NID1: variants seen among roughly 807,000 people sequenced by gnomAD.
NID1 encodes the protein nidogen 1.
NID1 carries 76 observed loss-of-function variants against 130.6 expected under a neutral mutation model. The ratio of observed to expected loss-of-function variants is 0.58; its 90% confidence interval spans 0.48 to 0.70. The LOEUF (loss-of-function observed/expected upper bound fraction) is 0.70, where lower values mean the gene tolerates loss of function less well. Ranked by LOEUF, NID1 falls within the 30% of genes least tolerant of loss-of-function variation. The probability of loss-of-function intolerance (pLI) is 0.00; values close to 1 mark genes in which losing one functional copy is unlikely to be tolerated. For synonymous variants in NID1, 665 were observed against 675.1 expected (o/e 0.98, Z 0.23); for missense variants, 1,517 against 1,664.8 (o/e 0.91, Z 1.54).
intron 14 of NID1, among the ~76,000 whole-genome samples, chr1:235,989,174 A>G (rs1461326929): frequency 6.8e-6 from 1 of 147,414 alleles, no homozygotes; most frequent in African/African-American, 2.5e-5. Flanking sequence ...CTTGTGCCTC[A>G]GGCTCCCAAG....
chr1:236,013,595 A>C, intron 10 of NID1, 35 bp from the exon 11 acceptor site: 1 of 1,613,750 alleles, frequency 6.2e-7, no homozygotes, highest in Non-Finnish European at 8.5e-7. Context: ...AGTCTTAGGA[A>C]GAAAGTCCCC....
At chr1:235,992,458 C>T (rs992304502) in intron 13 of NID1, among the ~76,000 whole-genome samples, 1 of 152,234 alleles carries the variant, frequency 6.6e-6, no homozygotes, top group African/African-American at 2.4e-5. Flanking sequence ...GCTCCAAACC[C>T]ATCCCAGGCT....
intron 5 of NID1, among the ~76,000 whole-genome samples, chr1:236,037,828 C>T (rs770539808): frequency 7.9e-5 from 12 of 152,270 alleles, no homozygotes; most frequent in East Asian, 1.9e-4. Flanking sequence ...CCACACACCA[C>T]GCAGTTGTGA....
chr1:235,980,694 A>T (rs777609476), intron 16 of NID1, 41 bp from the exon 17 acceptor site: 54 of 1,598,470 alleles, frequency 3.4e-5, no homozygotes, highest in Non-Finnish European at 8.6e-7. Context: ...AAGAAATAAT[A>T]AGGATGCATG....
chr1:236,000,000 G>T (rs1195707214), intron 12 of NID1, among the ~76,000 whole-genome samples: 1 of 152,054 alleles, frequency 6.6e-6, no homozygotes. Context: ...GATCACTTGA[G>T]GTCAGGAGTT....
At chr1:236,005,708 A>T (rs748459041) in intron 12 of NID1, among the ~76,000 whole-genome samples, 2 of 152,236 alleles carry the variant, frequency 1.3e-5, no homozygotes, top group Non-Finnish European at 2.9e-5. Context: ...ATGAAGACAC[A>T]TCAGAAAGGA....
chr1:236,052,045 C>A (rs1053686726), intron 1 of NID1, among the ~76,000 whole-genome samples: 1 of 152,124 alleles, frequency 6.6e-6, no homozygotes, highest in Non-Finnish European at 1.5e-5. Context: ...ACATTCAGCT[C>A]GATCGTCTGT....
chr1:236,021,690 A>G (rs1658769892), intron 9 of NID1, among the ~76,000 whole-genome samples: 2 of 152,130 alleles, frequency 1.3e-5, no homozygotes, highest in African/African-American at 4.8e-5. Context: ...TGAACACACT[A>G]TTCATCCCAC....
chr1:236,041,954 T>C lies in NID1; in HGVS notation c.1091A>G (p.His364Arg), dbSNP rs1259977694. The stretch of plus-strand genomic sequence containing the variant: ...TTCATCCACATCTATGACCTGAGGG[T>C]GCTGCTGGTGAAAAGTCTCCACTGC... Reference protein sequence around the residue: ...QLAVETFHQQHPQVIDVDEVE... With the variant: ...QLAVETFHQQRPQVIDVDEVE... The change falls in exon 4 of 20, where the codon CAC becomes CGC. Residue 364 changes from histidine to arginine, a missense_variant. His to Arg is a conservative substitution (Grantham distance 29). Around this residue, in one of 3 missense-constraint regions of NID1, gnomAD observed 1,329 missense variants for 1,429.2 expected, o/e 0.93. Coordinates refer to ENST00000264187, the MANE Select transcript of NID1 (RefSeq NM_002508.3). 6.2e-7 allele frequency: 1 copy of C among 1,613,928 alleles called. No individual in the cohort carries two copies. The highest frequency in any genetic ancestry group is 8.5e-7 in the Non-Finnish European group (1 of 1,179,932).
chr1:236,039,963 A>G (rs568006575), intron 4 of NID1, among the ~76,000 whole-genome samples: 1 of 152,186 alleles, frequency 6.6e-6, no homozygotes, highest in Non-Finnish European at 1.5e-5. Flanking sequence ...TCTCTTCAAC[A>G]TAGGGAAATA....
chr1:235,995,187 A>G (rs1187693203), intron 12 of NID1, among the ~76,000 whole-genome samples: 1 of 152,236 alleles, frequency 6.6e-6, no homozygotes. Context: ...ACTGAACATG[A>G]ACAGATTTCT....
chr1:236,044,959 G>A (rs780035605), intron 3 of NID1, among the ~76,000 whole-genome samples: 2 of 152,172 alleles, frequency 1.3e-5, no homozygotes, highest in Non-Finnish European at 1.5e-5. Context: ...AGCACTTTGG[G>A]AGGCTGAGGT....
intron 9 of NID1, among the ~76,000 whole-genome samples, chr1:236,018,115 A>G (rs540341285): frequency 6.6e-6 from 1 of 152,326 alleles, no homozygotes; most frequent in South Asian, 2.1e-4. Flanking sequence ...AAATGAACAA[A>G]GAGAGTGATG....
In NID1 at chr1:236,064,930, A is replaced by T. The variant is rs1178342774; in HGVS notation, c.150T>A (p.Asp50Glu). 1.9e-6 allele frequency: 3 copies of T among 1,610,984 alleles called. No individual in the cohort carries two copies. ...GQGDLELEDGDDFVSPALELS... is the reference protein window; with the variant it reads ...GQGDLELEDGEDFVSPALELS... The stretch of plus-strand genomic sequence containing the variant: ...GCTCCAGGGCAGGAGAGACGAAGTC[A>T]TCCCCGTCCTCCAGCTCCAGGTCCC... Residue 50 changes from aspartate to glutamate, a missense_variant, in exon 1 of 20, where the codon GAT becomes GAA. By Grantham distance (45) the Asp-to-Glu change is conservative (BLOSUM62 2). Around this residue, in one of 3 missense-constraint regions of NID1, gnomAD observed 1,329 missense variants for 1,429.2 expected, o/e 0.93. Coordinates refer to ENST00000264187, the MANE Select transcript of NID1 (RefSeq NM_002508.3).
chr1:236,014,939 C>A (rs1373592752), intron 10 of NID1, among the ~76,000 whole-genome samples: 1 of 152,206 alleles, frequency 6.6e-6, no homozygotes, highest in Non-Finnish European at 1.5e-5. Context: ...AAAGTTGGTT[C>A]CCAGTGGAAA....
intron 1 of NID1, among the ~76,000 whole-genome samples, chr1:236,055,686 A>G (rs929539502): frequency 6.6e-6 from 1 of 152,064 alleles, no homozygotes; most frequent in Non-Finnish European, 1.5e-5. Context: ...AAAACATACA[A>G]CAAACCTGAT....
rs1244672667 is a variant in NID1, at chr1:235,979,030, T to C, written c.3587A>G (p.Tyr1196Cys). Residue 1196 changes from tyrosine to cysteine, a missense_variant, in exon 19 of 20, where the codon TAT becomes TGT. Around this residue, in one of 3 missense-constraint regions of NID1, gnomAD observed 181 missense variants for 211.3 expected, o/e 0.86. Coordinates refer to ENST00000264187, the MANE Select transcript of NID1 (RefSeq NM_002508.3). The surrounding 1 kb of genome is among the most constrained non-coding windows in gnomAD (Gnocchi z 4.6). ...CTGAGACAGGGCCGTGGTGATGCCA[T>C]ACAGCCGGGTCTGCTTGTGGGGTTG... ...AFQPHKQTRLYGITTALSQCP... is the reference protein window; with the variant it reads ...AFQPHKQTRLCGITTALSQCP... The C allele has an allele frequency of 1.2e-6, 2 of 1,613,980 alleles. No homozygotes were observed. Among genetic ancestry groups the C allele is most frequent in the Non-Finnish European group, 1.7e-6 (2 of 1,179,954 alleles).
chr1:236,014,642 C>A lies in NID1; in HGVS notation c.2255-1082G>T, dbSNP rs188308654. On this transcript the variant is annotated intron_variant, in intron 10 of 19. Transcript: ENST00000264187. ...ATCACAGTCCCATCTACTGGCCTCTCTGTGCTTGGCATACTGGAAGTTAAC... is the reference window on the plus strand; with the variant it reads ...ATCACAGTCCCATCTACTGGCCTCTATGTGCTTGGCATACTGGAAGTTAAC... Among the ~76,000 whole-genome samples, 25 of 152,274 alleles carry A rather than the reference C, an allele frequency of 1.6e-4. No homozygotes were observed. In the East Asian group the frequency reaches 3.9e-3, roughly 23 times the overall value.
intron 17 of NID1, 57 bp from the exon 18 acceptor site, chr1:235,980,002 C>CAAA: frequency 6.4e-7 from 1 of 1,572,856 alleles, no homozygotes; most frequent in Non-Finnish European, 8.7e-7. Flanking sequence ...CCCCTTTGTG[C>CAAA]AAAAAAAACA....
Sources: gnomAD v4.1 joint callset for allele counts (sites outside exome capture counted in the v4.1 genomes callset) on GRCh38, gnomAD v4.1.1 for gene constraint, gnomAD v4.1.1 regional missense constraint, Gnocchi (gnomAD v3.1) non-coding constraint, MANE v1.5 for transcripts, NCBI Gene and HGNC (gene_info 2026-07-23, HGNC 2026-07-21) for gene names.